The following ACVR1C variants were observed in gnomAD, a reference collection of about 807,000 sequenced individuals.
ACVR1C encodes activin receptor type-1C.
ACVR1C carries 23 observed loss-of-function variants against 57.9 expected under a neutral mutation model. The ratio of observed to expected loss-of-function variants is 0.40; its 90% CI spans 0.29 to 0.56. The LOEUF (loss-of-function observed/expected upper bound fraction) is 0.56. Ranked by LOEUF, ACVR1C falls within the 20% of genes least tolerant of loss-of-function variation. The probability of loss-of-function intolerance (pLI) is 0.50; values close to 1 mark genes in which losing one functional copy is unlikely to be tolerated. For synonymous variants in ACVR1C, 214 were observed against 215.3 expected, an observed-to-expected ratio of 0.99 and a Z score of 0.05; for missense variants, 480 against 607.9, an observed-to-expected ratio of 0.79 and a Z score of 2.21.
intron 3 of ACVR1C, among the ~76,000 whole-genome samples, chr2:157,555,193 A>G (rs995664650): frequency 7.5e-6 from 1 of 133,964 alleles, no homozygotes; most frequent in Admixed American, 9.3e-5. Context: ...ATCTCGGCTC[A>G]CTGCAAGCTC....
intron 2 of ACVR1C, among the ~76,000 whole-genome samples, chr2:157,583,169 AT>A (rs1169797583): frequency 6.6e-6 from 1 of 152,168 alleles, no homozygotes. Context: ...CCTATAAGTT[AT>A]TTTCACAAGC....
At chr2:157,545,429 T>TAGTAGTA (rs1405636781) in intron 4 of ACVR1C, among the ~76,000 whole-genome samples, 2 of 152,174 alleles carry the variant, frequency 1.3e-5, no homozygotes, top group African/African-American at 4.8e-5. Context: ...ATCTGGGTAG[T>TAGTAGTA]GATAAAATTT....
chr2:157,572,371 A>C (rs1260619336), intron 2 of ACVR1C, among the ~76,000 whole-genome samples: 1 of 149,046 alleles, frequency 6.7e-6, no homozygotes, highest in Non-Finnish European at 1.5e-5. Context: ...TATAATAAAA[A>C]AAAAAATTAA....
In ACVR1C at chr2:157,628,736, G is replaced by C. The variant is rs1181245807; in HGVS notation, c.-92C>G. ...GCCCGCTTTGAAGTTCCCGGGCCGC[G>C]GGAGGGGAGCGCGGCACCGACACCC... On this transcript the variant is annotated 5_prime_UTR_variant, in exon 1 of 9. Transcript: ENST00000243349. The C allele has an allele frequency of 8.6e-7, 1 of 1,169,290 alleles. No homozygotes were observed. Among genetic ancestry groups the C allele is most frequent in the South Asian group, 1.7e-5 (1 of 59,888 alleles). 72.4% of individuals were successfully genotyped at this position (1,169,290 alleles called of 1,614,324 possible). A position where few individuals can be genotyped will look rare whatever the true frequency, so the allele number is the denominator to read the frequency against.
Position 157,558,909 on chromosome 2 carries a change from T to C in ACVR1C, c.305-2577A>G, listed in dbSNP as rs563208916. 3.7e-4 allele frequency among the ~76,000 whole-genome samples: 56 copies of C among 152,358 alleles called. 2 individuals carry two copies. In the South Asian group the frequency reaches 0.011, roughly 29 times the overall value. On this transcript the variant is annotated intron_variant, in intron 2 of 8. Transcript: ENST00000243349. Reference sequence around the variant, plus strand: ...TAGTTTTTCTAAAAAAGCCACAGAATGCATTTAATCTCCTGCATCTTACAT... The same window carrying C: ...TAGTTTTTCTAAAAAAGCCACAGAACGCATTTAATCTCCTGCATCTTACAT...
intron 6 of ACVR1C, 57 bp downstream of exon 6, chr2:157,542,649 T>C: frequency 6.4e-7 from 1 of 1,559,252 alleles, no homozygotes; most frequent in African/African-American, 1.4e-5. Flanking sequence ...CATGAGGACA[T>C]TCATGCTTAT....
At chr2:157,589,365 C>T (rs761008293) in intron 1 of ACVR1C, among the ~76,000 whole-genome samples, 11 of 151,956 alleles carry the variant, frequency 7.2e-5, no homozygotes, top group Admixed American at 3.3e-4. Flanking sequence ...GTCATTTGCC[C>T]ACTTTTTAAT....
chr2:157,577,220 T>G (rs908127908), intron 2 of ACVR1C, among the ~76,000 whole-genome samples: 1 of 152,196 alleles, frequency 6.6e-6, no homozygotes, highest in East Asian at 1.9e-4. Flanking sequence ...TTCTTTAATA[T>G]CGCAAGACTA....
intron 1 of ACVR1C, among the ~76,000 whole-genome samples, chr2:157,611,825 C>T (rs1050429558): frequency 1.3e-5 from 2 of 152,078 alleles, no homozygotes; most frequent in African/African-American, 4.8e-5. Context: ...CATGCTTGGG[C>T]TCTGTGGTTG....
intron 2 of ACVR1C, among the ~76,000 whole-genome samples, chr2:157,566,402 G>A (rs1688379802): frequency 6.6e-6 from 1 of 152,210 alleles, no homozygotes; most frequent in Admixed American, 6.5e-5. Flanking sequence ...AGCTCCCAGC[G>A]TGAGCGACGC....
chr2:157,552,039 A>C (rs745715890), intron 3 of ACVR1C, among the ~76,000 whole-genome samples: 18 of 152,250 alleles, frequency 1.2e-4, no homozygotes, highest in Non-Finnish European at 2.1e-4. Context: ...TGCTAGTGAG[A>C]GGCAGACCTA....
chr2:157,598,875 G>T (rs764288759), intron 1 of ACVR1C, among the ~76,000 whole-genome samples: 14 of 151,966 alleles, frequency 9.2e-5, no homozygotes, highest in Admixed American at 8.5e-4. Flanking sequence ...TTAATCTGGG[G>T]GTTGACTGCA....
intron 1 of ACVR1C, among the ~76,000 whole-genome samples, chr2:157,591,921 T>C (rs4290610): frequency 6.6e-6 from 1 of 152,050 alleles, no homozygotes; most frequent in Non-Finnish European, 1.5e-5. Context: ...CAATGGTACC[T>C]TTCATGACTA....
chr2:157,618,598 G>A (rs1401020691), intron 1 of ACVR1C, among the ~76,000 whole-genome samples: 1 of 151,482 alleles, frequency 6.6e-6, no homozygotes, highest in African/African-American at 2.4e-5. Flanking sequence ...ATAAGAGAAT[G>A]GAAAATTTAT....
chr2:157,562,394 G>A (rs1463020563), intron 2 of ACVR1C, among the ~76,000 whole-genome samples: 2 of 145,640 alleles, frequency 1.4e-5, no homozygotes, highest in African/African-American at 2.5e-5. Flanking sequence ...GGAAGAAGCT[G>A]AATCCCTGAA....
At chr2:157,620,281 A>T (rs568932895) in intron 1 of ACVR1C, among the ~76,000 whole-genome samples, 3 of 152,192 alleles carry the variant, frequency 2.0e-5, no homozygotes, top group Non-Finnish European at 2.9e-5. Context: ...TGGAAATACA[A>T]ATGACAGATT....
chr2:157,537,946 G>A (rs79327763), intron 8 of ACVR1C, among the ~76,000 whole-genome samples: 2,125 of 152,254 alleles, frequency 0.014, 50 homozygotes, highest in African/African-American at 0.048. Context: ...TGATGTGAGG[G>A]AGCTTTTCTA....
At chr2:157,548,645 C>T (rs1020978076) in intron 4 of ACVR1C, among the ~76,000 whole-genome samples, 71 of 151,894 alleles carry the variant, frequency 4.7e-4, no homozygotes, top group Non-Finnish European at 8.8e-4. Context: ...ACTATCTGAT[C>T]TTTGACAAAC....
chr2:157,529,111 C>G lies in ACVR1C; in HGVS notation c.*4807G>C, dbSNP rs1273772760. 1 of 152,100 alleles carries G rather than the reference C, an allele frequency of 6.6e-6. No homozygotes were observed. Among genetic ancestry groups the G allele is most frequent in the African/African-American group, 2.4e-5 (1 of 41,420 alleles). The allele number at this position is 152,100 out of a possible 1,614,324, so 9.4% of individuals were successfully genotyped here. Reference sequence around the variant, plus strand: ...AAAAGTTAGATAATATCCCACTGGACATAGTCCCAAATTCAGCTATCAAAT... The same window carrying G: ...AAAAGTTAGATAATATCCCACTGGAGATAGTCCCAAATTCAGCTATCAAAT... On this transcript the variant is annotated 3_prime_UTR_variant, in exon 9 of 9. Coordinates refer to ENST00000243349, the MANE Select transcript of ACVR1C (RefSeq NM_145259.3).
Sources: allele counts gnomAD v4.1 joint callset (sites outside exome capture counted in the v4.1 genomes callset), GRCh38; gene constraint gnomAD v4.1.1; transcripts MANE v1.5; gene names NCBI Gene and HGNC (gene_info 2026-07-23, HGNC 2026-07-21).